NUBPL: variants seen among roughly 807,000 people sequenced by gnomAD.
NUBPL encodes iron-sulfur cluster transfer protein NUBPL.
NUBPL carries 31 observed loss-of-function variants against 45.7 expected under a neutral mutation model. The observed-to-expected ratio is 0.68, with a 90% CI of 0.51 to 0.92. The LOEUF is 0.92. NUBPL is among the 40% of genes least tolerant of loss of function. The probability of loss-of-function intolerance (pLI) is 0.00; values close to 1 mark genes in which losing one functional copy is unlikely to be tolerated. For synonymous variants in NUBPL, 144 were observed against 140.9 expected, an observed-to-expected ratio of 1.02 and a Z score of -0.15; for missense variants, 401 against 398.7, an observed-to-expected ratio of 1.01 and a Z score of -0.05.
chr14:31,782,633 A>G (rs1453839323), intron 6 of NUBPL, among the ~76,000 whole-genome samples: 1 of 152,082 alleles, frequency 6.6e-6, no homozygotes. Flanking sequence ...TCTACTAAAA[A>G]TAGAAAAACA....
chr14:31,769,626 T>A (rs1253860737), intron 6 of NUBPL, among the ~76,000 whole-genome samples: 2 of 152,066 alleles, frequency 1.3e-5, no homozygotes, highest in African/African-American at 4.8e-5. Context: ...TTTGGAGCTT[T>A]CCTGTTCTTA....
At chr14:31,738,115 T>G (rs1201080052) in intron 6 of NUBPL, among the ~76,000 whole-genome samples, 1 of 152,226 alleles carries the variant, frequency 6.6e-6, no homozygotes, top group Admixed American at 6.5e-5. Flanking sequence ...TTGTCACTGC[T>G]TATATTATAA....
At chr14:31,685,388 T>C (rs1050326363) in intron 6 of NUBPL, among the ~76,000 whole-genome samples, 1 of 152,214 alleles carries the variant, frequency 6.6e-6, no homozygotes, top group Non-Finnish European at 1.5e-5. Context: ...AGGTGTATTC[T>C]ACCTATATAG....
At chr14:31,800,763 T>G (rs1442154139) in intron 7 of NUBPL, 2 of 152,206 alleles carry the variant, frequency 1.3e-5, no homozygotes, top group Admixed American at 6.5e-5. Context: ...CAATTTGACT[T>G]CAACTCTTGG....
intron 4 of NUBPL, among the ~76,000 whole-genome samples, chr14:31,603,748 C>G (rs185353689): frequency 3.4e-4 from 51 of 152,202 alleles, no homozygotes; most frequent in African/African-American, 1.2e-3. Context: ...CAAGTACCCA[C>G]TTAATTATTT....
chr14:31,787,867 A>G lies in NUBPL; in HGVS notation c.601A>G (p.Ile201Val), dbSNP rs1224584122. Residue 201 changes from isoleucine (I) to valine (V), a missense_variant, in exon 7 of 11, where the codon ATA (isoleucine) becomes GTA (valine). Transcript: ENST00000281081. ...VQLSVSQNIPITGAVIVSTPQ... is the reference protein window; with the variant it reads ...VQLSVSQNIPVTGAVIVSTPQ... ...GTTATCAGTCTCACAGAATATTCCT[A>G]TAACAGGTAAATCTTCAAAGTTTAA... 8.7e-6 allele frequency: 14 copies of G among 1,602,474 alleles called. No homozygotes were observed. Among genetic ancestry groups the G allele is most frequent in the South Asian group, 2.2e-5 (2 of 90,832 alleles).
chr14:31,605,896 CCCTTCTCCTT>C (rs1205584730), intron 4 of NUBPL, among the ~76,000 whole-genome samples: 1 of 148,158 alleles, frequency 6.7e-6, no homozygotes, highest in Non-Finnish European at 1.5e-5. Context: ...CTTGTCTCCT[CCCTTCTCCTT>C]CCTTCTCTCC....
chr14:31,714,642 C>T lies in NUBPL; in HGVS notation c.513+41068C>T, dbSNP rs11623835. On this transcript the variant is annotated intron_variant, in intron 6 of 10. Coordinates refer to ENST00000281081, the MANE Select transcript of NUBPL (RefSeq NM_025152.3). ...TATCACCAAGAGGATGGTGCTGAGC[C>T]ATTCATGAGGGAACTGCTGGCGTGA... 44,431 of 152,040 alleles carry T rather than the reference C, an allele frequency of 0.29. 7,430 individuals carry two copies. Among genetic ancestry groups the T allele is most frequent in the South Asian group, 0.41 (1,965 of 4,814 alleles). The allele number at this position is 152,040 out of a possible 1,614,324, so 9.4% of individuals were successfully genotyped here.
chr14:31,601,144 T>C (rs1189485376), intron 4 of NUBPL, among the ~76,000 whole-genome samples: 2 of 152,246 alleles, frequency 1.3e-5, no homozygotes, highest in African/African-American at 2.4e-5. Flanking sequence ...CCATGCTGTT[T>C]TGGTTACTGT....
At position 31,583,577 on chromosome 14, in the gene NUBPL, G is replaced by C. The variant is rs139291426; in HGVS notation, c.292-15712G>C. On this transcript the variant is annotated intron_variant, in intron 3 of 10. Coordinates refer to ENST00000281081, the MANE Select transcript of NUBPL (RefSeq NM_025152.3). ...TTCCCCCAGTGAGTAATACTAATTA[G>C]ATCTGCTTTCCTACAACCATTATTA... Among the ~76,000 whole-genome samples, 21 of 152,290 alleles carry C rather than the reference G, an allele frequency of 1.4e-4. No individual in the cohort carries two copies. The East Asian group carries it at 3.9e-3, about 28-fold the overall frequency.
intron 4 of NUBPL, among the ~76,000 whole-genome samples, chr14:31,649,185 T>C (rs1006442950): frequency 2.0e-5 from 3 of 152,210 alleles, no homozygotes; most frequent in African/African-American, 7.2e-5. Context: ...AATAATTTGG[T>C]TAAATTTCTA....
chr14:31,645,359 C>T (rs1037215939), intron 4 of NUBPL, among the ~76,000 whole-genome samples: 1 of 151,854 alleles, frequency 6.6e-6, no homozygotes, highest in Non-Finnish European at 1.5e-5. Flanking sequence ...AGCCACTGCA[C>T]CCAGCTGTGA....
At chr14:31,663,942 A>C (rs1049777169) in intron 4 of NUBPL, among the ~76,000 whole-genome samples, 1 of 152,130 alleles carries the variant, frequency 6.6e-6, no homozygotes, top group African/African-American at 2.4e-5. Context: ...CTCCTTGAAG[A>C]GGTCCTTCAC....
intron 4 of NUBPL, among the ~76,000 whole-genome samples, chr14:31,637,819 AT>A (rs1213645036): frequency 6.6e-6 from 1 of 152,166 alleles, no homozygotes; most frequent in East Asian, 1.9e-4. Flanking sequence ...TTCTTGTTGA[AT>A]TGATCCCTTT....
chr14:31,739,714 A>G (rs1015881541), intron 6 of NUBPL, among the ~76,000 whole-genome samples: 2 of 152,196 alleles, frequency 1.3e-5, no homozygotes, highest in African/African-American at 4.8e-5. Flanking sequence ...TTGGTGCTGT[A>G]CATTTTATAG....
chr14:31,578,026 G>A (rs2033763016), intron 3 of NUBPL: 1 of 1,252,956 alleles, frequency 8.0e-7, no homozygotes, highest in Non-Finnish European at 1.0e-6. Flanking sequence ...TCAGTAAATG[G>A]TAAGTGATTG....
At chr14:31,838,515 C>CA (rs2040320214) in intron 8 of NUBPL, among the ~76,000 whole-genome samples, 1 of 152,034 alleles carries the variant, frequency 6.6e-6, no homozygotes, top group Admixed American at 6.5e-5. Context: ...GTATCAAATT[C>CA]AAAACAACAC....
chr14:31,665,521 C>T (rs369128520), intron 4 of NUBPL, among the ~76,000 whole-genome samples: 1 of 152,066 alleles, frequency 6.6e-6, no homozygotes, highest in Non-Finnish European at 1.5e-5. Flanking sequence ...TCAGTTTCCA[C>T]GTAGTTGTGC....
intron 4 of NUBPL, among the ~76,000 whole-genome samples, chr14:31,647,100 T>A (rs907861297): frequency 2.6e-5 from 4 of 152,206 alleles, no homozygotes; most frequent in African/African-American, 9.6e-5. Flanking sequence ...GTTAAATTTC[T>A]GACTTGTTTT....
Sources: allele counts gnomAD v4.1 joint callset (sites outside exome capture counted in the v4.1 genomes callset), GRCh38; gene constraint gnomAD v4.1.1; transcripts MANE v1.5; gene names NCBI Gene and HGNC (gene_info 2026-07-23, HGNC 2026-07-21).